Variants in CDH4 observed in about 807,000 individuals in gnomAD.
The protein encoded by CDH4 is cadherin 4, also known as cadherin-4.
CDH4 carries 33 observed loss-of-function variants against 86.0 expected under a neutral mutation model. The ratio of observed to expected loss-of-function variants is 0.38; its 90% CI spans 0.29 to 0.51. The LOEUF (loss-of-function observed/expected upper bound fraction) is 0.51, where lower values mean the gene tolerates loss of function less well. Among genes scored for constraint, CDH4 ranks in the 20% least tolerant of loss-of-function variants. The pLI, the probability that CDH4 is intolerant of heterozygous loss-of-function variation, is 0.86. For missense variants in CDH4, 1,114 were observed against 1,307.4 expected (o/e 0.85, Z 2.28); for synonymous variants, 555 against 549.4 (o/e 1.01, Z -0.14).
At chr20:61,728,863 T>G (rs909335459) in intron 2 of CDH4, among the ~76,000 whole-genome samples, 5 of 152,142 alleles carry the variant, frequency 3.3e-5, no homozygotes, top group African/African-American at 1.2e-4. Context: ...CTCACAGCCT[T>G]GAATGAGAGA....
At chr20:61,753,030 C>T (rs1014580267) in intron 3 of CDH4, among the ~76,000 whole-genome samples, 2 of 152,154 alleles carry the variant, frequency 1.3e-5, no homozygotes, top group Non-Finnish European at 2.9e-5. Context: ...TAAACAAATG[C>T]ATGCAGAGGG....
intron 2 of CDH4, among the ~76,000 whole-genome samples, chr20:61,355,218 G>A (rs561619851): frequency 1.3e-5 from 2 of 152,254 alleles, no homozygotes; most frequent in East Asian, 3.9e-4. Context: ...TGAAGTCCTT[G>A]AAAAAAGCTC....
chr20:61,485,867 C>T (rs556225083), intron 2 of CDH4, among the ~76,000 whole-genome samples: 50 of 152,284 alleles, frequency 3.3e-4, no homozygotes, highest in South Asian at 2.1e-3. Context: ...TTCATTCACA[C>T]GTCTACACTC....
chr20:61,915,525 G>C (rs1171650662), intron 9 of CDH4, among the ~76,000 whole-genome samples: 2 of 152,202 alleles, frequency 1.3e-5, no homozygotes, highest in Non-Finnish European at 2.9e-5. Context: ...CCTCTCCCCA[G>C]CTGTAAGCCC....
At chr20:61,855,506 A>C (rs1982959259) in intron 6 of CDH4, among the ~76,000 whole-genome samples, 1 of 152,182 alleles carries the variant, frequency 6.6e-6, no homozygotes, top group Non-Finnish European at 1.5e-5. Flanking sequence ...GCGGCAGGCC[A>C]GGCACACTCC....
At chr20:61,254,738 C>A (rs2084088620) in intron 1 of CDH4, 88 bp from the exon 2 acceptor site, 1 of 867,704 alleles carries the variant, frequency 1.2e-6, no homozygotes, top group Non-Finnish European at 2.0e-6. Flanking sequence ...TAGCCAGAGA[C>A]CTTTTACACA....
intron 2 of CDH4, among the ~76,000 whole-genome samples, chr20:61,293,369 G>A (rs191084527): frequency 1.8e-4 from 27 of 152,218 alleles, no homozygotes; most frequent in Middle Eastern, 3.4e-3. Context: ...CAGTTACCCC[G>A]GTATCTGGTC....
intron 2 of CDH4, among the ~76,000 whole-genome samples, chr20:61,339,557 T>A (rs1358120594): frequency 6.6e-6 from 1 of 152,136 alleles, no homozygotes; most frequent in Non-Finnish European, 1.5e-5. Context: ...GATGAAGAGA[T>A]CGTACATACT....
At chr20:61,880,272 A>G (rs1283390143) in intron 7 of CDH4, among the ~76,000 whole-genome samples, 2 of 152,100 alleles carry the variant, frequency 1.3e-5, no homozygotes, top group Admixed American at 6.5e-5. Context: ...CTGCCTGGGG[A>G]GGGCAGTAGC....
chr20:61,849,303 G>C (rs981010636), intron 5 of CDH4, among the ~76,000 whole-genome samples: 26 of 152,276 alleles, frequency 1.7e-4, no homozygotes, highest in African/African-American at 6.3e-4. Context: ...CCACCTTGTA[G>C]GATGCCCACC....
Position 61,563,160 on chromosome 20 carries a change from A to G in CDH4, c.170-180403A>G, listed in dbSNP as rs555097741. 5.9e-5 allele frequency among the ~76,000 whole-genome samples: 9 copies of G among 152,344 alleles called. No individual in the cohort carries two copies. In the East Asian group the frequency reaches 1.7e-3, roughly 29 times the overall value. On this transcript the variant is annotated intron_variant, in intron 2 of 15. Coordinates refer to ENST00000614565, the MANE Select transcript of CDH4 (RefSeq NM_001794.5). ...CAACCTCTCTTGACCTGTGAATTCT[A>G]CACAAGGGCCCACGGGGAGCCCAGG...
At chr20:61,420,763 G>A (rs1437277491) in intron 2 of CDH4, among the ~76,000 whole-genome samples, 1 of 152,392 alleles carries the variant, frequency 6.6e-6, no homozygotes, top group East Asian at 1.9e-4. Flanking sequence ...GGGGAATAAG[G>A]TCAGGAGTGA....
At chr20:61,926,543 G>C (rs2055046584) in intron 11 of CDH4, among the ~76,000 whole-genome samples, 1 of 152,198 alleles carries the variant, frequency 6.6e-6, no homozygotes, top group African/African-American at 2.4e-5. Context: ...AGGGTCCCCT[G>C]CCGCAGCTCA....
At chr20:61,397,262 A>C (rs187461769) in intron 2 of CDH4, among the ~76,000 whole-genome samples, 143 of 152,232 alleles carry the variant, frequency 9.4e-4, no homozygotes, top group African/African-American at 3.1e-3. Flanking sequence ...TTGAGAAGTG[A>C]GGCCTCTTCT....
intron 12 of CDH4, among the ~76,000 whole-genome samples, chr20:61,928,728 CCTGA>C (rs1446049800): frequency 5.3e-5 from 8 of 152,164 alleles, no homozygotes; most frequent in Non-Finnish European, 1.0e-4. Flanking sequence ...TTGACTGGAC[CCTGA>C]CTGATATGTT....
At chr20:61,394,869 G>A (rs1320731144) in intron 2 of CDH4, among the ~76,000 whole-genome samples, 2 of 137,470 alleles carry the variant, frequency 1.5e-5, no homozygotes, top group African/African-American at 2.7e-5. Flanking sequence ...ATGGCCATGG[G>A]GCTGTGAGCC....
chr20:61,716,225 G>A (rs752055427), intron 2 of CDH4, among the ~76,000 whole-genome samples: 33 of 150,644 alleles, frequency 2.2e-4, no homozygotes, highest in African/African-American at 7.2e-4. Flanking sequence ...CCTGTGAGCC[G>A]CCCCTTGGCT....
At chr20:61,880,711 A>AG (rs1019049601) in intron 7 of CDH4, among the ~76,000 whole-genome samples, 46 of 152,282 alleles carry the variant, frequency 3.0e-4, no homozygotes, top group African/African-American at 1.1e-3. Context: ...TCGGATGCAG[A>AG]GAGAGGGTCG....
rs144748536 is a variant in CDH4, at chr20:61,565,358, G to GTCGCGGTGCTCTT, written c.170-178205_170-178204insTCGCGGTGCTCTT. Among the ~76,000 whole-genome samples, 10 of 33,342 alleles carry GTCGCGGTGCTCTT rather than the reference G, an allele frequency of 3.0e-4. 3 individuals are homozygous for GTCGCGGTGCTCTT. Among genetic ancestry groups the GTCGCGGTGCTCTT allele is most frequent in the Non-Finnish European group, 5.7e-4 (10 of 17,622 alleles). 21.9% of individuals were successfully genotyped at this position (33,342 alleles called of 152,430 possible). On this transcript the variant is annotated intron_variant, in intron 2 of 15. Transcript: ENST00000614565. ...GGTGGTAGTGGTCCTCTTGGTGATG[G>GTCGCGGTGCTCTT]GGTGATGGTGGTGGTGGTCCTCTTG...
Sources: allele counts gnomAD v4.1 joint callset (sites outside exome capture counted in the v4.1 genomes callset), GRCh38; gene constraint gnomAD v4.1.1; transcripts MANE v1.5; gene names NCBI Gene and HGNC (gene_info 2026-07-23, HGNC 2026-07-21).